The following ZNF675 variants were observed in gnomAD, a reference collection of about 807,000 sequenced individuals.
ZNF675 encodes the protein TRAF6 inhibitory zinc finger.
In ZNF675, 36 loss-of-function variants were observed where a neutral mutation model predicts 56.1. That is an observed-to-expected ratio of 0.64 (90% CI 0.49 to 0.85). ZNF675 has a LOEUF of 0.85. Among genes scored for constraint, ZNF675 ranks in the 40% least tolerant of loss-of-function variants. ZNF675 has a pLI of 0.00. For synonymous variants in ZNF675, 200 were observed against 218.9 expected (o/e 0.91, Z 0.76); for missense variants, 663 against 654.2 (o/e 1.01, Z -0.15).
chr19:23,653,847 A>G lies in ZNF675; in HGVS notation c.1086T>C (p.His362=), dbSNP rs553903257. 35 of 1,613,856 alleles carry G rather than the reference A, an allele frequency of 2.2e-5. No individual in the cohort carries two copies. In the South Asian group the frequency reaches 3.6e-4, roughly 17 times the overall value. Residue 362 remains histidine (H), a synonymous_variant, in exon 4 of 4, where the codon CAT becomes CAC. Transcript: ENST00000359788. ...SSKLTEHKNI[H]TGEQPYKCEE... ...CACATTTGTAGGGTTGCTCTCCAGT[A>G]TGAATGTTTTTATGTTCAGTAAGTT...
intron 1 of ZNF675, among the ~76,000 whole-genome samples, chr19:23,668,933 G>C (rs966941637): frequency 1.3e-5 from 2 of 152,174 alleles, no homozygotes; most frequent in African/African-American, 2.4e-5. Context: ...TACAAGCTGA[G>C]GGAGTCGGCT....
intron 1 of ZNF675, among the ~76,000 whole-genome samples, chr19:23,673,017 G>A (rs1236146204): frequency 2.6e-5 from 4 of 152,166 alleles, no homozygotes. Flanking sequence ...ACAGCTACTG[G>A]TGGCAATAGC....
At chr19:23,679,526 T>C (rs375524066) in intron 1 of ZNF675, among the ~76,000 whole-genome samples, 2 of 151,616 alleles carry the variant, frequency 1.3e-5, no homozygotes, top group Non-Finnish European at 2.9e-5. Context: ...AATTGACAAA[T>C]GGGATCTAAC....
At position 23,687,196 on chromosome 19, in the gene ZNF675, C is replaced by T; in HGVS notation, c.-163G>A. The stretch of plus-strand genomic sequence containing the variant: ...GAGAGACAAAGGCGCCGCCAAATCC[C>T]GGAAGCCATCTTGTCTGCTCCAGCT... On this transcript the variant is annotated 5_prime_UTR_variant, in exon 1 of 4. Transcript: ENST00000359788. The T allele has an allele frequency of 1.2e-6, 1 of 803,516 alleles. No individual in the cohort carries two copies. Among genetic ancestry groups the T allele is most frequent in the Non-Finnish European group, 2.0e-6 (1 of 489,834 alleles). The allele number at this position is 803,516 out of a possible 1,614,324, so 49.8% of individuals were successfully genotyped here.
At chr19:23,684,370 G>A (rs1968416327) in intron 1 of ZNF675, among the ~76,000 whole-genome samples, 1 of 151,852 alleles carries the variant, frequency 6.6e-6, no homozygotes, top group African/African-American at 2.4e-5. Flanking sequence ...GTTGGCCCAG[G>A]GCAGTGGCTC....
At chr19:23,682,048 C>T (rs927265740) in intron 1 of ZNF675, among the ~76,000 whole-genome samples, 3 of 151,670 alleles carry the variant, frequency 2.0e-5, no homozygotes, top group Non-Finnish European at 4.4e-5. Flanking sequence ...GTTGTAGAGC[C>T]AGACATAGAC....
Position 23,653,345 on chromosome 19 carries a change from G to T in ZNF675, c.1588C>A (p.His530Asn). ...SSKLTEHKII[H>N]TGEKPYKCER... ...CATTTATAGGGTTTCTCTCCAGTATGAATTATCTTATGTTCAGTAAGTTTT... is the reference window on the plus strand; with the variant it reads ...CATTTATAGGGTTTCTCTCCAGTATTAATTATCTTATGTTCAGTAAGTTTT... Residue 530 changes from histidine to asparagine, a missense_variant, in exon 4 of 4, where the codon CAT (histidine) becomes AAT (asparagine). His to Asn is a moderately conservative substitution (Grantham distance 68, BLOSUM62 1). Transcript: ENST00000359788. 2 of 1,613,700 alleles carry T rather than the reference G, an allele frequency of 1.2e-6. No homozygotes were observed. Among genetic ancestry groups the T allele is most frequent in the Non-Finnish European group, 1.7e-6 (2 of 1,179,962 alleles).
At chr19:23,685,732 A>G (rs1321129426) in intron 1 of ZNF675, among the ~76,000 whole-genome samples, 1 of 152,214 alleles carries the variant, frequency 6.6e-6, no homozygotes, top group Non-Finnish European at 1.5e-5. Context: ...AGTGTACAAT[A>G]AAAGACAAAT....
At chr19:23,686,648 G>A (rs1968446099) in intron 1 of ZNF675, among the ~76,000 whole-genome samples, 1 of 152,074 alleles carries the variant, frequency 6.6e-6, no homozygotes. Context: ...TTTAATAGGA[G>A]AAAACAGGAA....
chr19:23,658,862 A>ATATCTCT (rs1364352504), intron 3 of ZNF675, among the ~76,000 whole-genome samples: 757 of 15,488 alleles, frequency 0.049, 27 homozygotes, highest in Non-Finnish European at 0.078. Flanking sequence ...TAGATATAGA[A>ATATCTCT]ATAGATCTAT....
intron 1 of ZNF675, among the ~76,000 whole-genome samples, chr19:23,673,057 T>C (rs1001707578): frequency 6.6e-6 from 1 of 152,216 alleles, no homozygotes. Flanking sequence ...ATACATATAG[T>C]TGAAAGTGGG....
intron 3 of ZNF675, chr19:23,654,926 T>C (rs1276059038): frequency 3.8e-5 from 15 of 394,518 alleles, no homozygotes; most frequent in African/African-American, 2.7e-4. Context: ...CTCCCCAATA[T>C]AACATAATGT....
intron 1 of ZNF675, among the ~76,000 whole-genome samples, chr19:23,679,992 C>T (rs142856317): frequency 2.7e-5 from 4 of 148,286 alleles, no homozygotes; most frequent in East Asian, 2.0e-4. Flanking sequence ...CTCCGTACCC[C>T]CCCCCAAAAA....
At position 23,654,239 on chromosome 19, in the gene ZNF675, C is replaced by G. The variant is rs1305266610; in HGVS notation, c.694G>C (p.Glu232Gln). The G allele has an allele frequency of 6.2e-7, 1 of 1,613,770 alleles. No individual in the cohort carries two copies. Among genetic ancestry groups the G allele is most frequent in the African/African-American group, 1.3e-5 (1 of 74,906 alleles). ...YTCEKLYKCQ[E>Q]CDRTFNQFSN... ...AATTGGTTAAAAGTTCTGTCACATT[C>G]TTGACATTTGTAGAGTTTCTCACAA... Residue 232 changes from glutamate to glutamine, a missense_variant, in exon 4 of 4, where the codon GAA (glutamate) becomes CAA (glutamine). Physicochemically the swap from Glu to Gln is conservative, Grantham distance 29. Around this residue, in one of 3 missense-constraint regions of ZNF675, gnomAD observed 617 missense variants for 590.5 expected, o/e 1.04. Coordinates refer to ENST00000359788, the MANE Select transcript of ZNF675 (RefSeq NM_138330.3).
intron 1 of ZNF675, among the ~76,000 whole-genome samples, chr19:23,666,762 G>GTCTTTCTCTCTTTTTC (rs1416469125): frequency 6.8e-6 from 1 of 147,432 alleles, no homozygotes; most frequent in African/African-American, 2.6e-5. Flanking sequence ...ATACAGGGAA[G>GTCTTTCTCTCTTTTTC]TCTTTCTCTC....
intron 1 of ZNF675, among the ~76,000 whole-genome samples, chr19:23,676,415 T>C (rs1968295419): frequency 7.5e-6 from 1 of 134,020 alleles, no homozygotes; most frequent in South Asian, 2.4e-4. Context: ...ACAAAAAACT[T>C]CAGGCCAATA....
At chr19:23,660,376 T>C (rs528022101) in intron 3 of ZNF675, among the ~76,000 whole-genome samples, 14 of 152,310 alleles carry the variant, frequency 9.2e-5, no homozygotes, top group South Asian at 6.2e-4. Context: ...ACTGAAAGTA[T>C]TGGCAGAAGA....
At chr19:23,681,311 T>C (rs1277938611) in intron 1 of ZNF675, among the ~76,000 whole-genome samples, 1 of 151,404 alleles carries the variant, frequency 6.6e-6, no homozygotes, top group Non-Finnish European at 1.5e-5. Flanking sequence ...CTGGGAGGGG[T>C]GTGGGCACGT....
chr19:23,674,955 G>A (rs554869790), intron 1 of ZNF675, among the ~76,000 whole-genome samples: 27 of 127,916 alleles, frequency 2.1e-4, no homozygotes, highest in Non-Finnish European at 3.8e-4. Flanking sequence ...CTGGGTGACA[G>A]AGCAAGACTC....
Sources: gnomAD v4.1 joint callset for allele counts (sites outside exome capture counted in the v4.1 genomes callset) on GRCh38, gnomAD v4.1.1 for gene constraint, gnomAD v4.1.1 regional missense constraint, MANE v1.5 for transcripts, NCBI Gene and HGNC (gene_info 2026-07-23, HGNC 2026-07-21) for gene names.